Variants in RAPGEF2 observed in about 807,000 individuals in gnomAD.
RAPGEF2 encodes the protein Rap guanine nucleotide exchange factor 2, also known as PDZ domain containing guanine nucleotide exchange factor (GEF) 1.
Under a neutral mutation model 186.7 loss-of-function variants are expected in RAPGEF2, and 54 were observed. The observed-to-expected ratio is 0.29, with a 90% CI of 0.23 to 0.36. RAPGEF2 has a LOEUF of 0.36. Among genes scored for constraint, RAPGEF2 ranks in the 10% least tolerant of loss-of-function variants. The pLI is 1.00. For missense variants in RAPGEF2, 1,532 were observed against 2,045.0 expected (o/e 0.75, Z 4.84); for synonymous variants, 712 against 705.9 (o/e 1.01, Z -0.14).
At chr4:159,294,680 T>TTCCTTCCTTCCTTCCC (rs1761705110) in intron 7 of RAPGEF2, among the ~76,000 whole-genome samples, 1 of 147,782 alleles carries the variant, frequency 6.8e-6, no homozygotes, top group African/African-American at 2.6e-5. Flanking sequence ...CCTTCCTTCC[T>TTCCTTCCTTCCTTCCC]TCCTTCCTTC....
chr4:159,354,329 A>T (rs1421282854), intron 28 of RAPGEF2, among the ~76,000 whole-genome samples: 1 of 152,136 alleles, frequency 6.6e-6, no homozygotes, highest in African/African-American at 2.4e-5. Context: ...ATCTAGTCTA[A>T]TTTTTTTCTC....
At chr4:159,247,888 G>C (rs547823808) in intron 7 of RAPGEF2, among the ~76,000 whole-genome samples, 128 of 145,852 alleles carry the variant, frequency 8.8e-4, no homozygotes, top group Non-Finnish European at 1.5e-3. Context: ...TCAGCCTCCC[G>C]AGTAGCTGGG....
At chr4:159,285,120 G>A (rs568043112) in intron 7 of RAPGEF2, among the ~76,000 whole-genome samples, 2 of 152,248 alleles carry the variant, frequency 1.3e-5, no homozygotes, top group South Asian at 2.1e-4. Flanking sequence ...TTATGTTCCA[G>A]TTTTCCATAG....
chr4:159,214,677 G>A (rs1750838291), intron 4 of RAPGEF2, among the ~76,000 whole-genome samples: 1 of 152,128 alleles, frequency 6.6e-6, no homozygotes, highest in Admixed American at 6.5e-5. Flanking sequence ...CAGAAGGCTA[G>A]GAATTTATTA....
chr4:159,164,742 T>C (rs1351229972), intron 1 of RAPGEF2, among the ~76,000 whole-genome samples: 1 of 152,206 alleles, frequency 6.6e-6, no homozygotes, highest in Non-Finnish European at 1.5e-5. Flanking sequence ...TTTGGTTTGA[T>C]AGTTTATATT....
In RAPGEF2 at chr4:159,265,158, C is replaced by G. The variant is rs190646299; in HGVS notation, c.543+21367C>G. On this transcript the variant is annotated intron_variant, in intron 7 of 29. Coordinates refer to ENST00000691494, the MANE Select transcript of RAPGEF2 (RefSeq NM_001394067.2). Reference sequence around the variant, plus strand: ...GCCCTTTCCCAGTCAGTGGAAGGTTCACTCACTCAACAAGAACGTGAGTGC... The same window carrying G: ...GCCCTTTCCCAGTCAGTGGAAGGTTGACTCACTCAACAAGAACGTGAGTGC... Among the ~76,000 whole-genome samples, 461 of 152,282 alleles carry G rather than the reference C, an allele frequency of 3.0e-3. 3 individuals carry two copies. The highest frequency in any genetic ancestry group is 0.01 in the African/African-American group (419 of 41,558).
chr4:159,350,056 CA>C (rs1256565721), intron 25 of RAPGEF2, 80 bp from the exon 26 acceptor site: 1 of 975,040 alleles, frequency 1.0e-6, no homozygotes, highest in Non-Finnish European at 1.4e-6. Context: ...AATCTTAACA[CA>C]AAAAAGTTTT....
rs568203759 is a variant in RAPGEF2 at position 159,161,141 on chromosome 4, G to A, written c.70-25501G>A. On this transcript the variant is annotated intron_variant, in intron 1 of 29. Transcript: ENST00000691494. Reference sequence around the variant, plus strand: ...CATTCTGGATGTAAACATTAAAAACGGATTTCTGTGTGTCATCCTAAAGAT... The same window carrying A: ...CATTCTGGATGTAAACATTAAAAACAGATTTCTGTGTGTCATCCTAAAGAT... 6.8e-4 allele frequency among the ~76,000 whole-genome samples: 104 copies of A among 152,006 alleles called. 1 individual carries two copies. The Middle Eastern group carries it at 0.028, about 40-fold the overall frequency.
At chr4:159,196,850 G>A (rs753868919) in intron 3 of RAPGEF2, among the ~76,000 whole-genome samples, 15 of 152,300 alleles carry the variant, frequency 9.8e-5, no homozygotes, top group South Asian at 8.3e-4. Flanking sequence ...TGACAAAAAC[G>A]CCATTTTAGA....
intron 7 of RAPGEF2, among the ~76,000 whole-genome samples, chr4:159,249,643 C>G (rs1294244113): frequency 1.3e-5 from 2 of 151,670 alleles, no homozygotes; most frequent in Admixed American, 6.6e-5. Flanking sequence ...TAAAATTTCC[C>G]CCTTATTTTC....
chr4:159,228,536 T>C (rs1276341380), intron 4 of RAPGEF2, among the ~76,000 whole-genome samples: 1 of 152,178 alleles, frequency 6.6e-6, no homozygotes, highest in Non-Finnish European at 1.5e-5. Context: ...AGATGAAATG[T>C]TGAGATTCAC....
intron 24 of RAPGEF2, 58 bp from the exon 25 acceptor site, chr4:159,346,731 A>T: frequency 7.2e-7 from 1 of 1,389,428 alleles, no homozygotes; most frequent in Non-Finnish European, 1.0e-6. Flanking sequence ...ATTATCTTCT[A>T]CATACCTACT....
chr4:159,131,519 A>ATTGTTTTTTTTTTTTTTTTTTT, intron 1 of RAPGEF2, among the ~76,000 whole-genome samples: 5 of 37,214 alleles, frequency 1.3e-4, no homozygotes, highest in Non-Finnish European at 2.0e-4. Flanking sequence ...ATTAATTGCT[A>ATTGTTTTTTTTTTTTTTTTTTT]TTTTTTTTTT....
chr4:159,184,406 G>A (rs1747346467), intron 1 of RAPGEF2, among the ~76,000 whole-genome samples: 1 of 152,140 alleles, frequency 6.6e-6, no homozygotes, highest in Admixed American at 6.5e-5. Flanking sequence ...AGCACCTGTT[G>A]TTTCCTGACT....
intron 7 of RAPGEF2, among the ~76,000 whole-genome samples, chr4:159,253,058 A>G (rs77253756): frequency 0.014 from 2,162 of 152,306 alleles, 20 homozygotes; most frequent in Middle Eastern, 0.068. Flanking sequence ...TCTGTATTCA[A>G]TCTGTTGTGA....
rs573269917 is a variant in RAPGEF2, at chr4:159,262,155, G to A, written c.543+18364G>A. 3.9e-5 allele frequency among the ~76,000 whole-genome samples: 6 copies of A among 152,272 alleles called. No individual in the cohort carries two copies. In the South Asian group the frequency reaches 6.2e-4, roughly 16 times the overall value. The stretch of plus-strand genomic sequence containing the variant: ...TCTTTGAACAACCACTATGTGTCAA[G>A]TACTAGGGATAAAGCACAGTCTGTT... On this transcript the variant is annotated intron_variant, in intron 7 of 29. Transcript: ENST00000691494.
intron 7 of RAPGEF2, among the ~76,000 whole-genome samples, chr4:159,281,759 GTGTT>G (rs1431847910): frequency 1.3e-5 from 2 of 151,978 alleles, no homozygotes; most frequent in Middle Eastern, 3.4e-3. Context: ...TGCTCTGTGT[GTGTT>G]TGTGTGTGTG....
rs574403791 is a variant in RAPGEF2, at chr4:159,122,979, TAAAC to T, written c.69+18752_69+18755del. 5.3e-3 allele frequency among the ~76,000 whole-genome samples: 802 copies of T among 152,336 alleles called. 8 individuals carry two copies. Among genetic ancestry groups the T allele is most frequent in the African/African-American group, 0.018 (763 of 41,580 alleles). Reference sequence around the variant, plus strand: ...AGCAAAGGTTATTTTTATTATTTATTAAACAAATTTAAGATACTGATACAGTACT... The same window carrying T: ...AGCAAAGGTTATTTTTATTATTTATTAAATTTAAGATACTGATACAGTACT... On this transcript the variant is annotated intron_variant, in intron 1 of 29. Transcript: ENST00000691494.
intron 1 of RAPGEF2, among the ~76,000 whole-genome samples, chr4:159,135,261 G>A (rs974734370): frequency 6.6e-6 from 1 of 152,048 alleles, no homozygotes; most frequent in Admixed American, 6.5e-5. Context: ...GCCCAAGCTC[G>A]TCTCGAACTT....
Sources: gnomAD v4.1 joint callset for allele counts (sites outside exome capture counted in the v4.1 genomes callset) on GRCh38, gnomAD v4.1.1 for gene constraint, MANE v1.5 for transcripts, NCBI Gene and HGNC (gene_info 2026-07-23, HGNC 2026-07-21) for gene names.